HDAC4: variants seen among roughly 807,000 people sequenced by gnomAD.
The protein encoded by HDAC4 is histone deacetylase 4.
In HDAC4, 16 loss-of-function variants were observed where a neutral mutation model predicts 135.1. The observed-to-expected ratio is 0.12, with a 90% CI of 0.08 to 0.18. HDAC4 has a LOEUF of 0.18. Among genes scored for constraint, HDAC4 ranks in the 10% least tolerant of loss-of-function variants. HDAC4 has a pLI of 1.00. For missense variants in HDAC4, 1,143 were observed against 1,511.8 expected (o/e 0.76, Z 4.05); for synonymous variants, 685 against 653.4 (o/e 1.05, Z -0.74).
chr2:239,228,437 T>C (rs1374120440), intron 3 of HDAC4, among the ~76,000 whole-genome samples: 1 of 151,966 alleles, frequency 6.6e-6, no homozygotes, highest in Admixed American at 6.5e-5. Context: ...GTGAATGGGG[T>C]GCAAATACAG....
intron 11 of HDAC4, among the ~76,000 whole-genome samples, chr2:239,129,556 G>A (rs1196543118): frequency 6.6e-6 from 1 of 152,132 alleles, no homozygotes; most frequent in Non-Finnish European, 1.5e-5. Context: ...TTTCTGCCCT[G>A]AGCACTGGCA....
intron 2 of HDAC4, among the ~76,000 whole-genome samples, chr2:239,271,520 C>T (rs145826424): frequency 6.6e-6 from 1 of 152,204 alleles, no homozygotes; most frequent in African/African-American, 2.4e-5. Context: ...AGCAACAGTT[C>T]ATCTTGGTGA....
At chr2:239,219,895 CA>C (rs2046854147) in intron 3 of HDAC4, among the ~76,000 whole-genome samples, 1 of 152,220 alleles carries the variant, frequency 6.6e-6, no homozygotes, top group South Asian at 2.1e-4. Flanking sequence ...AGAATGAAGA[CA>C]CACATGGTCA....
At chr2:239,152,369 C>T (rs536254287) in intron 7 of HDAC4, among the ~76,000 whole-genome samples, 1 of 152,310 alleles carries the variant, frequency 6.6e-6, no homozygotes, top group East Asian at 1.9e-4. Flanking sequence ...CTGCAGAAAC[C>T]CAAAGTCAGG....
chr2:239,118,475 A>T (rs926186118), intron 12 of HDAC4, among the ~76,000 whole-genome samples: 4 of 152,096 alleles, frequency 2.6e-5, no homozygotes, highest in Non-Finnish European at 5.9e-5. Flanking sequence ...CAGGGAGGAG[A>T]GTGCAGCGGT....
intron 13 of HDAC4, among the ~76,000 whole-genome samples, chr2:239,113,134 C>T (rs1230099768): frequency 6.6e-6 from 1 of 152,236 alleles, no homozygotes; most frequent in Non-Finnish European, 1.5e-5. Context: ...CCTGTAATCC[C>T]AGCTACTTGG....
intron 2 of HDAC4, among the ~76,000 whole-genome samples, chr2:239,280,039 A>G (rs78197901): frequency 0.036 from 5,507 of 152,150 alleles, 125 homozygotes; most frequent in East Asian, 0.079. Context: ...CCAACCCCAA[A>G]GTGCCTGTGT....
intron 15 of HDAC4, among the ~76,000 whole-genome samples, chr2:239,105,633 C>A (rs759369753): frequency 1.1e-4 from 16 of 152,204 alleles, no homozygotes; most frequent in Non-Finnish European, 2.2e-4. Context: ...GCCTCACCCC[C>A]CAGGCCTCCA....
At chr2:239,190,184 G>GGGGGGC in intron 3 of HDAC4, 107 bp from the exon 4 acceptor site, 2 of 1,245,004 alleles carry the variant, frequency 1.6e-6, no homozygotes, top group East Asian at 2.9e-5. Flanking sequence ...CGGGGGGGGG[G>GGGGGGC]TTGTGACCAT....
intron 11 of HDAC4, 67 bp from the exon 12 acceptor site, chr2:239,126,761 T>C: frequency 1.3e-6 from 2 of 1,495,374 alleles, no homozygotes; most frequent in Non-Finnish European, 1.8e-6. Flanking sequence ...GAGAGGGCTA[T>C]TGAGTAAGTG....
chr2:239,194,999 A>C (rs935958064), intron 3 of HDAC4, among the ~76,000 whole-genome samples: 3 of 152,216 alleles, frequency 2.0e-5, no homozygotes, highest in Non-Finnish European at 4.4e-5. Flanking sequence ...CCTGAGGAGC[A>C]GGGAGGCGAG....
At chr2:239,084,867 G>T (rs2152699857) in intron 19 of HDAC4, among the ~76,000 whole-genome samples, 1 of 149,162 alleles carries the variant, frequency 6.7e-6, no homozygotes, top group South Asian at 2.1e-4. Flanking sequence ...ATGCCCCACA[G>T]ATACGCCCAT....
intron 2 of HDAC4, among the ~76,000 whole-genome samples, chr2:239,264,820 C>G (rs567278698): frequency 8.2e-4 from 125 of 152,308 alleles, no homozygotes; most frequent in African/African-American, 2.9e-3. Context: ...CACTGCTGCC[C>G]CGTCGGAGGG....
intron 4 of HDAC4, among the ~76,000 whole-genome samples, chr2:239,176,821 A>T (rs891123851): frequency 3.3e-5 from 5 of 152,248 alleles, no homozygotes; most frequent in African/African-American, 1.2e-4. Context: ...AAAATACGCA[A>T]GAAGAGTTAT....
intron 6 of HDAC4, among the ~76,000 whole-genome samples, chr2:239,159,268 CCA>C (rs2042627269): frequency 6.6e-6 from 1 of 151,004 alleles, no homozygotes; most frequent in African/African-American, 2.4e-5. Flanking sequence ...CTACTCACAC[CCA>C]CTCACGCCCA....
intron 2 of HDAC4, among the ~76,000 whole-genome samples, chr2:239,290,704 GCACA>G (rs5839740): frequency 3.9e-4 from 59 of 151,770 alleles, no homozygotes; most frequent in Admixed American, 1.3e-3. Context: ...ACACACGCAC[GCACA>G]CACTCACATA....
At chr2:239,264,362 G>A (rs987405028) in intron 2 of HDAC4, among the ~76,000 whole-genome samples, 2 of 152,248 alleles carry the variant, frequency 1.3e-5, no homozygotes, top group Non-Finnish European at 2.9e-5. Context: ...GCAAAAGAGC[G>A]AAAGACCGTG....
chr2:239,339,359 T>C (rs1008148875), intron 2 of HDAC4, among the ~76,000 whole-genome samples: 2 of 152,140 alleles, frequency 1.3e-5, no homozygotes, highest in Non-Finnish European at 2.9e-5. Flanking sequence ...CAGGGCCCGA[T>C]GAAAGGAAGC....
At chr2:239,250,042 G>A (rs1320958118) in intron 2 of HDAC4, among the ~76,000 whole-genome samples, 1 of 152,244 alleles carries the variant, frequency 6.6e-6, no homozygotes, top group African/African-American at 2.4e-5. Context: ...GCCTCTGGAA[G>A]GAGGCCCAGC....
Sources: gnomAD v4.1 joint callset for allele counts (sites outside exome capture counted in the v4.1 genomes callset) on GRCh38, gnomAD v4.1.1 for gene constraint, MANE v1.5 for transcripts, NCBI Gene and HGNC (gene_info 2026-07-23, HGNC 2026-07-21) for gene names.